Variants in TMEM175 observed in about 807,000 individuals in gnomAD.
The protein encoded by TMEM175 is transmembrane protein 175.
In TMEM175, 36 loss-of-function variants were observed where a neutral mutation model predicts 36.5. That is an observed-to-expected ratio of 0.99 (90% CI 0.76 to 1.30). TMEM175 has a LOEUF of 1.30. TMEM175 is among the 50% of genes most tolerant of loss of function. The pLI, the probability that TMEM175 is intolerant of heterozygous loss-of-function variation, is 0.00. For synonymous variants in TMEM175, 339 were observed against 313.4 expected (o/e 1.08, Z -0.86); for missense variants, 705 against 692.8 (o/e 1.02, Z -0.20).
chr4:953,073 C>T (rs1245472567), intron 7 of TMEM175, 117 bp from the exon 8 acceptor site: 2 of 1,125,692 alleles, frequency 1.8e-6, no homozygotes, highest in African/African-American at 1.6e-5. Context: ...AGCCCGGGGC[C>T]AGGTCCTCCC....
chr4:945,321 C>T (rs1024114059), intron 1 of TMEM175, among the ~76,000 whole-genome samples: 11 of 152,150 alleles, frequency 7.2e-5, no homozygotes, highest in African/African-American at 2.2e-4. Flanking sequence ...CCTCACTCCC[C>T]GCCGTTTGTT....
rs1577400005 is a variant in TMEM175 at position 943,973 on chromosome 4, C to T, written c.-31-3736C>T. ...CTAGACTCAAAACCTCTGGAGGGTG[C>T]GATTCCGTTTATACCACATTCTAAA... On this transcript the variant is annotated intron_variant, in intron 1 of 10. Transcript: ENST00000264771. 2.0e-5 allele frequency among the ~76,000 whole-genome samples: 3 copies of T among 152,086 alleles called. No homozygotes were observed. The South Asian group carries it at 6.2e-4, about 32-fold the overall frequency.
At chr4:952,707 G>T (rs1269215108) in intron 7 of TMEM175, among the ~76,000 whole-genome samples, 1 of 150,922 alleles carries the variant, frequency 6.6e-6, no homozygotes, top group Non-Finnish European at 1.5e-5. Context: ...CTGTGTGTGT[G>T]TGTGCGTGTG....
chr4:939,786 C>A (rs1305687035), intron 1 of TMEM175, among the ~76,000 whole-genome samples: 1 of 152,302 alleles, frequency 6.6e-6, no homozygotes, highest in East Asian at 1.9e-4. Flanking sequence ...AATCATAAAT[C>A]TAAATGTGAG....
At chr4:944,246 T>C (rs1195309699) in intron 1 of TMEM175, among the ~76,000 whole-genome samples, 3 of 152,222 alleles carry the variant, frequency 2.0e-5, no homozygotes, top group Non-Finnish European at 4.4e-5. Context: ...TGAGCTGCGA[T>C]CGTGCCACTG....
chr4:951,291 A>T (rs1577428636), intron 5 of TMEM175, 33 bp downstream of exon 5: 10 of 1,612,568 alleles, frequency 6.2e-6, no homozygotes, highest in Non-Finnish European at 8.5e-6. Flanking sequence ...CTGGGGAGTG[A>T]CTCTGGTCTG....
At chr4:957,666 T>C (rs1365307842) in intron 10 of TMEM175, among the ~76,000 whole-genome samples, 158 bp from the exon 11 acceptor site, 1 of 152,220 alleles carries the variant, frequency 6.6e-6, no homozygotes, top group Non-Finnish European at 1.5e-5. Flanking sequence ...CAAATACACA[T>C]AAATACGGCG....
intron 3 of TMEM175, chr4:948,647 C>T: frequency 8.1e-7 from 1 of 1,239,742 alleles, no homozygotes; most frequent in Non-Finnish European, 1.0e-6. Flanking sequence ...AGCAGAGTTT[C>T]CACCTTGACT....
rs374967618 is a variant in TMEM175 at position 938,563 on chromosome 4, A to G, written c.-32+6023A>G. On this transcript the variant is annotated intron_variant, in intron 1 of 10. Coordinates refer to ENST00000264771, the MANE Select transcript of TMEM175 (RefSeq NM_032326.4). ...AAAAAGAGCTACTCGTGAGTTTAGC[A>G]GGGTTCCAGGATACAAGATAAATAT... Among the ~76,000 whole-genome samples, 321 of 152,328 alleles carry G rather than the reference A, an allele frequency of 2.1e-3. 16 individuals are homozygous for G. The South Asian group carries it at 0.059, about 28-fold the overall frequency.
At position 946,949 on chromosome 4, in the gene TMEM175, C is replaced by T. The variant is rs551689416; in HGVS notation, c.-31-760C>T. Among the ~76,000 whole-genome samples, 15 of 135,692 alleles carry T rather than the reference C, an allele frequency of 1.1e-4. No individual in the cohort carries two copies. The South Asian group carries it at 2.2e-3, about 20-fold the overall frequency. The allele number at this position is 135,692 out of a possible 152,430, so 89.0% of individuals were successfully genotyped here. The stretch of plus-strand genomic sequence containing the variant: ...CAGGCGCCGAGACCGAGGGAGAGCA[C>T]GGCCCCTGTAGGAGACAGCCCCAGG... On this transcript the variant is annotated intron_variant, in intron 1 of 10. Coordinates refer to ENST00000264771, the MANE Select transcript of TMEM175 (RefSeq NM_032326.4).
intron 1 of TMEM175, among the ~76,000 whole-genome samples, chr4:943,478 C>T (rs939970745): frequency 2.0e-5 from 3 of 152,174 alleles, no homozygotes; most frequent in East Asian, 1.9e-4. Context: ...TCTCGAACTC[C>T]GGACCTCAAG....
intron 10 of TMEM175, 81 bp from the exon 11 acceptor site, chr4:957,743 C>G (rs1348427864): frequency 1.4e-6 from 2 of 1,431,414 alleles, no homozygotes; most frequent in South Asian, 1.4e-5. Context: ...CCAGGCAGCC[C>G]TGACAGGCGC....
chr4:958,008 C>A lies in TMEM175; in HGVS notation c.1027C>A (p.Leu343Met). The A allele has an allele frequency of 1.2e-6, 2 of 1,612,562 alleles. No homozygotes were observed. Among genetic ancestry groups the A allele is most frequent in the Non-Finnish European group, 1.7e-6 (2 of 1,179,830 alleles). ...GCGCAAGGCCACGCGGGCCATGGGG[C>A]TGCTGAACACGCTCTCGCTGGCCTT... ...HVRKATRAMG[L>M]LNTLSLAFVG... is the part of the protein sequence containing the mutation. The change falls in exon 11 of 11, where the codon CTG becomes ATG. Residue 343 changes from leucine to methionine, a missense_variant. Coordinates refer to ENST00000264771, the MANE Select transcript of TMEM175 (RefSeq NM_032326.4).
At chr4:933,912 A>G (rs1560466784) in intron 1 of TMEM175, among the ~76,000 whole-genome samples, 1 of 152,264 alleles carries the variant, frequency 6.6e-6, no homozygotes, top group African/African-American at 2.4e-5. Context: ...CAGTAGCAAT[A>G]GCTTAGTTTA....
rs765134241 is a variant in TMEM175, at chr4:951,720, G to A, written c.378+3G>A. ...CCATCACCTTCCTGCCTTACACGGT[G>A]AGCAACACCAGGCCCCTGACACCCT... On this transcript the variant is annotated splice_donor_region_variant and intron_variant, in intron 6 of 10. Coordinates refer to ENST00000264771, the MANE Select transcript of TMEM175 (RefSeq NM_032326.4). The A allele has an allele frequency of 1.7e-5, 27 of 1,613,998 alleles. No homozygotes were observed. Among genetic ancestry groups the A allele is most frequent in the Non-Finnish European group, 2.3e-5 (27 of 1,180,010 alleles).
chr4:933,762 G>A (rs933717450), intron 1 of TMEM175, among the ~76,000 whole-genome samples: 4 of 152,146 alleles, frequency 2.6e-5, no homozygotes, highest in African/African-American at 9.7e-5. Flanking sequence ...CAGCCTCTTA[G>A]CCGTCCCAGA....
At chr4:956,078 C>A (rs1301834244) in intron 10 of TMEM175, 188 bp downstream of exon 10, 7 of 822,898 alleles carry the variant, frequency 8.5e-6, no homozygotes, top group East Asian at 2.7e-5. Context: ...GCGGCCCCTC[C>A]CTTCCCAGCG....
In TMEM175 at chr4:942,772, T is replaced by A. The variant is rs140299680; in HGVS notation, c.-31-4937T>A. On this transcript the variant is annotated intron_variant, in intron 1 of 10. Coordinates refer to ENST00000264771, the MANE Select transcript of TMEM175 (RefSeq NM_032326.4). ...CTCTTGCTTCAGCCTCCTGAGTAGC[T>A]GGGACTACAGGCGCACACCACTACG... Among the ~76,000 whole-genome samples, 9 of 152,212 alleles carry A rather than the reference T, an allele frequency of 5.9e-5. No homozygotes were observed. The East Asian group carries it at 1.7e-3, about 29-fold the overall frequency.
chr4:948,674 G>A, intron 3 of TMEM175: 5 of 1,211,558 alleles, frequency 4.1e-6, no homozygotes, highest in Admixed American at 3.0e-5. Context: ...GAGCTAAAGA[G>A]CCAAACAGCA....
Sources: allele counts gnomAD v4.1 joint callset (sites outside exome capture counted in the v4.1 genomes callset), GRCh38; gene constraint gnomAD v4.1.1; transcripts MANE v1.5; gene names NCBI Gene and HGNC (gene_info 2026-07-23, HGNC 2026-07-21).